The following TEX14 variants were observed in gnomAD, a reference collection of about 807,000 sequenced individuals.
The protein encoded by TEX14 is testis expressed 14, intercellular bridge forming factor.
In TEX14, 168 loss-of-function variants were observed where a neutral mutation model predicts 178.6. The observed-to-expected ratio is 0.94, with a 90% CI of 0.83 to 1.07. The LOEUF is 1.07. Among genes scored for constraint, TEX14 ranks in the 50% least tolerant of loss-of-function variants. The pLI, the probability that TEX14 is intolerant of heterozygous loss-of-function variation, is 0.00. For synonymous variants in TEX14, 626 were observed against 634.1 expected (o/e 0.99, Z 0.19); for missense variants, 1,730 against 1,753.6 (o/e 0.99, Z 0.24).
Position 58,577,356 on chromosome 17 carries a change from A to C in TEX14, c.3320+19T>G. ...GCATCTATGAGTTTGAAACTGCATA[A>C]GATAATAATAGCCCATACCTTCGTA... is the stretch of plus-strand genomic sequence containing the variant. On this transcript the variant is annotated intron_variant, in intron 21 of 31. Transcript: ENST00000349033. 1 of 1,131,476 alleles carries C rather than the reference A, an allele frequency of 8.8e-7. No individual in the cohort carries two copies. The highest frequency in any genetic ancestry group is 1.2e-6 in the Non-Finnish European group (1 of 804,552). The allele number at this position is 1,131,476 out of a possible 1,614,324, so 70.1% of individuals were successfully genotyped here.
chr17:58,615,399 T>TTTC, intron 7 of TEX14, 54 bp from the exon 8 acceptor site: 1 of 1,066,908 alleles, frequency 9.4e-7, no homozygotes, highest in Non-Finnish European at 1.5e-6. Flanking sequence ...CACTTACTCC[T>TTTC]TCAATGAATA....
At chr17:58,576,897 G>C (rs2044691464) in intron 21 of TEX14, among the ~76,000 whole-genome samples, 1 of 152,130 alleles carries the variant, frequency 6.6e-6, no homozygotes, top group Non-Finnish European at 1.5e-5. Context: ...CAATGGTATG[G>C]ATGTACCAAA....
rs1252437666 is a variant in TEX14 at position 58,605,052 on chromosome 17, A to G, written c.1262T>C (p.Val421Ala). 1 of 1,614,158 alleles carries G rather than the reference A, an allele frequency of 6.2e-7. No individual in the cohort carries two copies. The highest frequency in any genetic ancestry group is 8.5e-7 in the Non-Finnish European group (1 of 1,180,024). Residue 421 changes from valine (V) to alanine (A), a missense_variant, in exon 11 of 32, where the codon GTG becomes GCG. Physicochemically the swap from Val to Ala is moderately conservative, Grantham distance 64. Coordinates refer to ENST00000349033, the MANE Select transcript of TEX14 (RefSeq NM_031272.5). ...CACTGTGGCTGCCTTCTGTAAGATC[A>G]CTTCTGGTGCGGCCCAGTTGTATAG... The part of the protein sequence containing the change: ...TQLYNWAAPE[V>A]ILQKAATVKS...
intron 18 of TEX14, among the ~76,000 whole-genome samples, chr17:58,584,868 T>G (rs1191209621): frequency 1.3e-5 from 2 of 152,228 alleles, no homozygotes; most frequent in Non-Finnish European, 2.9e-5. Context: ...CAATAGATTT[T>G]CTGCCTAAGA....
In TEX14 at chr17:58,659,269, C is replaced by G. The variant is rs1038163543; in HGVS notation, c.-1-7267G>C. On this transcript the variant is annotated intron_variant, in intron 1 of 31. Transcript: ENST00000349033. ...CCCTCCCCCAAGAAAAACACTTTATCAGGACCAACAGCGTCTCTCCCCCGC... is the reference window on the plus strand; with the variant it reads ...CCCTCCCCCAAGAAAAACACTTTATGAGGACCAACAGCGTCTCTCCCCCGC... 3 of 854,224 alleles carry G rather than the reference C, an allele frequency of 3.5e-6. No homozygotes were observed. In the Admixed American group the frequency reaches 1.9e-4, roughly 53 times the overall value. 52.9% of individuals were successfully genotyped at this position (854,224 alleles called of 1,614,324 possible). A position where few individuals can be genotyped will look rare whatever the true frequency, so the allele number is the denominator to read the frequency against.
At position 58,611,602 on chromosome 17, in the gene TEX14, G is replaced by T. The variant is rs77550407; in HGVS notation, c.1006-263C>A. On this transcript the variant is annotated intron_variant, in intron 9 of 31. Transcript: ENST00000349033. The stretch of plus-strand genomic sequence containing the variant: ...AAAAAATGAAAAGAAAGTTCTCAAA[G>T]TCTGGTATGTGCATCCAGGATTGGC... 2.0e-5 allele frequency among the ~76,000 whole-genome samples: 3 copies of T among 152,340 alleles called. No homozygotes were observed. In the East Asian group the frequency reaches 5.8e-4, roughly 29 times the overall value.
intron 3 of TEX14, among the ~76,000 whole-genome samples, chr17:58,628,483 C>T (rs1205835296): frequency 2.0e-5 from 3 of 152,108 alleles, no homozygotes; most frequent in African/African-American, 4.8e-5. Flanking sequence ...GAGGCTAAGG[C>T]GGGCGGATCA....
chr17:58,565,617 A>G (rs1421057301), intron 27 of TEX14, 130 bp downstream of exon 27: 1 of 622,884 alleles, frequency 1.6e-6, no homozygotes, highest in Non-Finnish European at 2.9e-6. Context: ...TGCCATACAA[A>G]TAACTATAAA....
chr17:58,570,421 G>A lies in TEX14; in HGVS notation c.3781C>T (p.Pro1261Ser), dbSNP rs751631467. ...CTCCTTCTCTGGGTGGCATGGGGTG[G>A]TGATGAGTCACATGCCTTAACAAGG... ...PSLVKACDSS[P>S]PHATQRRSLP... is the part of the protein sequence containing the mutation. The change falls in exon 25 of 32, where the codon CCA becomes TCA. Residue 1261 changes from proline to serine, a missense_variant. By Grantham distance (74) the Pro-to-Ser change is moderately conservative. This residue lies in a region of TEX14 where 941 missense variants were observed against 1,072.4 expected (regional missense o/e 0.88). Coordinates refer to ENST00000349033, the MANE Select transcript of TEX14 (RefSeq NM_031272.5). 3.3e-6 allele frequency: 5 copies of A among 1,521,716 alleles called. No individual in the cohort carries two copies. The East Asian group carries it at 1.3e-4, about 40-fold the overall frequency. 94.3% of individuals were successfully genotyped at this position (1,521,716 alleles called of 1,614,324 possible).
At chr17:58,617,117 A>G (rs1224148680) in intron 6 of TEX14, among the ~76,000 whole-genome samples, 4 of 152,140 alleles carry the variant, frequency 2.6e-5, no homozygotes, top group Admixed American at 2.6e-4. Context: ...GCATGGTGGC[A>G]CACACCTGTG....
chr17:58,568,448 C>A (rs530292708), intron 26 of TEX14, among the ~76,000 whole-genome samples: 1 of 152,278 alleles, frequency 6.6e-6, no homozygotes, highest in Non-Finnish European at 1.5e-5. Flanking sequence ...CCAAGGGGTG[C>A]CCCTCAGGAA....
intron 24 of TEX14, 131 bp from the exon 25 acceptor site, chr17:58,570,615 C>CA: frequency 3.0e-6 from 1 of 329,066 alleles, no homozygotes; most frequent in East Asian, 5.2e-5. Flanking sequence ...TGGGAAGCCT[C>CA]CTTTTTTTTT....
At chr17:58,664,090 TACAATTGCTGATTTAGG>T (rs1398371435) in intron 1 of TEX14, among the ~76,000 whole-genome samples, 1 of 152,228 alleles carries the variant, frequency 6.6e-6, no homozygotes, top group Non-Finnish European at 1.5e-5. Flanking sequence ...CACTATTTAG[TACAATTGCTGATTTAGG>T]ACAATTGCTG....
intron 15 of TEX14, among the ~76,000 whole-genome samples, chr17:58,589,676 T>G (rs947422915): frequency 1.4e-5 from 2 of 146,826 alleles, no homozygotes; most frequent in African/African-American, 5.1e-5. Flanking sequence ...TCAGAGAGGG[T>G]AGATCTGATC....
At chr17:58,606,478 T>G (rs1447989739) in intron 10 of TEX14, among the ~76,000 whole-genome samples, 2 of 152,196 alleles carry the variant, frequency 1.3e-5, no homozygotes, top group Non-Finnish European at 2.9e-5. Flanking sequence ...TGAGCAAACT[T>G]CCCTAAATAA....
At chr17:58,572,195 T>C in intron 23 of TEX14, 69 bp from the exon 24 acceptor site, 5 of 1,195,588 alleles carry the variant, frequency 4.2e-6, no homozygotes, top group Non-Finnish European at 5.9e-6. Context: ...CCTTTTTCCC[T>C]TTGTTTTTGT....
chr17:58,618,049 G>A (rs1472122959), intron 5 of TEX14, among the ~76,000 whole-genome samples: 1 of 152,176 alleles, frequency 6.6e-6, no homozygotes, highest in African/African-American at 2.4e-5. Context: ...AGCCATCTTG[G>A]AACTGAATTG....
At chr17:58,595,842 GC>G (rs1372652485) in intron 14 of TEX14, among the ~76,000 whole-genome samples, 1 of 152,214 alleles carries the variant, frequency 6.6e-6, no homozygotes, top group African/African-American at 2.4e-5. Context: ...TAGGTTTTGG[GC>G]TTTGTTGTTG....
At chr17:58,627,113 A>C (rs2046163867) in intron 3 of TEX14, among the ~76,000 whole-genome samples, 1 of 151,998 alleles carries the variant, frequency 6.6e-6, no homozygotes, top group South Asian at 2.1e-4. Context: ...CTTCCTGGAC[A>C]CTTGAAAAAG....
Sources: allele counts gnomAD v4.1 joint callset (sites outside exome capture counted in the v4.1 genomes callset), GRCh38; gene constraint gnomAD v4.1.1; regional missense constraint gnomAD v4.1.1; transcripts MANE v1.5; gene names NCBI Gene and HGNC (gene_info 2026-07-23, HGNC 2026-07-21).